PPP2R5C: variants seen among roughly 807,000 people sequenced by gnomAD.
PPP2R5C encodes protein phosphatase 2 regulatory subunit B'gamma.
Under a neutral mutation model 68.9 loss-of-function variants are expected in PPP2R5C, and 7 were observed. The ratio of observed to expected loss-of-function variants is 0.10; its 90% CI spans 0.06 to 0.19. The LOEUF (loss-of-function observed/expected upper bound fraction) is 0.19. PPP2R5C is among the 10% of genes least tolerant of loss of function. PPP2R5C has a pLI of 1.00. For missense variants in PPP2R5C, 348 were observed against 641.3 expected (o/e 0.54, Z 4.94); for synonymous variants, 210 against 222.2 (o/e 0.95, Z 0.49).
At chr14:101,814,049 A>G (rs145911408) in intron 1 of PPP2R5C, among the ~76,000 whole-genome samples, 2 of 152,348 alleles carry the variant, frequency 1.3e-5, no homozygotes, top group African/African-American at 4.8e-5. Context: ...CAATAGCTAT[A>G]CATAATGCAC....
chr14:101,831,339 C>G (rs1249449890), intron 1 of PPP2R5C, among the ~76,000 whole-genome samples: 3 of 152,116 alleles, frequency 2.0e-5, no homozygotes, highest in Non-Finnish European at 4.4e-5. Flanking sequence ...TTTGATAAGG[C>G]TTAAACTATT....
At chr14:101,873,709 C>A (rs1197235969) in intron 2 of PPP2R5C, among the ~76,000 whole-genome samples, 1 of 152,162 alleles carries the variant, frequency 6.6e-6, no homozygotes, top group Non-Finnish European at 1.5e-5. Flanking sequence ...CACTGTAGTT[C>A]TTCTCTGTGT....
rs184894158 is a variant in PPP2R5C, at chr14:101,856,985, C to T, written c.294+100C>T. ...ACACAGTGCTACCCAGGAGAAGAATCCTCCTGTTCCAGAATTTGTAGTTGT... is the reference window on the plus strand; with the variant it reads ...ACACAGTGCTACCCAGGAGAAGAATTCTCCTGTTCCAGAATTTGTAGTTGT... On this transcript the variant is annotated intron_variant, in intron 2 of 13. Transcript: ENST00000334743. The T allele has an allele frequency of 6.4e-5, 71 of 1,114,190 alleles. 1 individual carries two copies. The East Asian group carries it at 9.0e-4, about 14-fold the overall frequency. 69.0% of individuals were successfully genotyped at this position (1,114,190 alleles called of 1,614,324 possible).
intron 1 of PPP2R5C, chr14:101,831,712 A>G: frequency 1.4e-6 from 1 of 696,740 alleles, no homozygotes. Flanking sequence ...TTGCAAATGC[A>G]CAAGATTCGA....
chr14:101,804,724 G>GT (rs2039007649), intron 3 of PPP2R5C, among the ~76,000 whole-genome samples: 1 of 152,082 alleles, frequency 6.6e-6, no homozygotes, highest in Non-Finnish European at 1.5e-5. Flanking sequence ...ACTGGGAAGG[G>GT]TAGTAGTGGG....
At chr14:101,852,006 C>T (rs61995288) in intron 1 of PPP2R5C, among the ~76,000 whole-genome samples, 11,194 of 152,114 alleles carry the variant, frequency 0.074, 619 homozygotes, top group African/African-American at 0.16. Flanking sequence ...TGGTATTCGC[C>T]GTTTAGGACT....
intron 2 of PPP2R5C, among the ~76,000 whole-genome samples, chr14:101,776,990 C>G (rs1424361767): frequency 2.0e-5 from 3 of 150,930 alleles, no homozygotes; most frequent in African/African-American, 4.9e-5. Flanking sequence ...AAGCAATTCT[C>G]CTGCCTCAGC....
chr14:101,877,711 C>T lies in PPP2R5C; in HGVS notation c.295-4450C>T, dbSNP rs538660496. Among the ~76,000 whole-genome samples, 5 of 152,330 alleles carry T rather than the reference C, an allele frequency of 3.3e-5. No individual in the cohort carries two copies. Among genetic ancestry groups the T allele is most frequent in the Non-Finnish European group, 4.4e-5 (3 of 68,034 alleles). On this transcript the variant is annotated intron_variant, in intron 2 of 13. Coordinates refer to ENST00000334743, the Ensembl canonical transcript of PPP2R5C. The surrounding 1 kb of genome is among the most constrained non-coding windows in gnomAD (Gnocchi z 4.2). ...TTTGAGGTGATAGACCGTTGGCCCT[C>T]TGTTCCTTCCCCCCGCCCCAGTATT...
In PPP2R5C at chr14:101,856,816, A is replaced by G. The variant is rs1044877742; in HGVS notation, c.225A>G (p.Glu75=). ...AAGTAAAACGAGCTGCTTTAAGTGA[A>G]ATGGTAGAATATATCACCCATAATC... The change falls in exon 2 of 14, where the codon GAA becomes GAG. Residue 75 remains glutamate, a synonymous_variant. Coordinates refer to ENST00000334743, the Ensembl canonical transcript of PPP2R5C. The G allele has an allele frequency of 1.9e-6, 3 of 1,614,166 alleles. No individual in the cohort carries two copies. In the East Asian group the frequency reaches 6.7e-5, roughly 36 times the overall value.
rs910997909 is a variant in PPP2R5C at position 101,781,517 on chromosome 14, C to A, written c.94-4501C>A. Among the ~76,000 whole-genome samples the A allele has an allele frequency of 4.0e-4, 58 of 144,932 alleles. No homozygotes were observed. The highest frequency in any genetic ancestry group is 7.6e-4 in the Non-Finnish European group (50 of 65,886). On this transcript the variant is annotated intron_variant, in intron 2 of 14. Transcript: ENST00000328724. This position sits in a 1 kb window ranked among gnomAD's most constrained non-coding sequence, Gnocchi z 6.4. ...CCCAGCCTCCCCGCCCCTGCCCTTG[C>A]CAGCCTGCGCCTTCCTGGGCGCCTG...
chr14:101,816,934 A>G (rs904410197), intron 1 of PPP2R5C, among the ~76,000 whole-genome samples: 1 of 141,936 alleles, frequency 7.0e-6, no homozygotes, highest in African/African-American at 2.6e-5. Flanking sequence ...TATAATATAT[A>G]TAATATAAAA....
At position 101,879,294 on chromosome 14, in the gene PPP2R5C, CTT is replaced by C. The variant is rs1338279833; in HGVS notation, c.295-2866_295-2865del. On this transcript the variant is annotated intron_variant, in intron 2 of 13. Transcript: ENST00000334743. This position sits in a 1 kb window ranked among gnomAD's most constrained non-coding sequence, Gnocchi z 4.2. ...CTTCCTCTGTGGCATGTCTGTGACT[CTT>C]GGGCAGCAGGCCTCTTCCAGAGGGA... is the stretch of plus-strand genomic sequence containing the variant. 2 of 152,560 alleles carry C rather than the reference CTT, an allele frequency of 1.3e-5. No individual in the cohort carries two copies. The highest frequency in any genetic ancestry group is 4.8e-5 in the African/African-American group (2 of 41,470). The allele number at this position is 152,560 out of a possible 1,614,324, so 9.5% of individuals were successfully genotyped here.
chr14:101,761,401 C>T (rs544183862), upstream of PPP2R5C, among the ~76,000 whole-genome samples: 1 of 151,790 alleles, frequency 6.6e-6, no homozygotes, highest in Non-Finnish European at 1.5e-5. Context: ...CTCTGCTCAG[C>T]GGTCAGCCCC....
At chr14:101,807,259 A>G (rs1176544988), upstream of PPP2R5C, among the ~76,000 whole-genome samples, 5 of 152,254 alleles carry the variant, frequency 3.3e-5, no homozygotes, top group African/African-American at 4.8e-5. Context: ...TTCCCCTTCC[A>G]CTGATTTGAG....
At chr14:101,774,787 C>T (rs2037332709) in intron 2 of PPP2R5C, among the ~76,000 whole-genome samples, 1 of 152,192 alleles carries the variant, frequency 6.6e-6, no homozygotes, top group African/African-American at 2.4e-5. Context: ...TCCTTTATTT[C>T]TTCCTCTCAT....
At chr14:101,856,268 C>T (rs2042420008) in intron 1 of PPP2R5C, among the ~76,000 whole-genome samples, 1 of 152,204 alleles carries the variant, frequency 6.6e-6, no homozygotes, top group Non-Finnish European at 1.5e-5. Context: ...CCTGCCTGAA[C>T]CTAAATTCTG....
intron 1 of PPP2R5C, chr14:101,836,108 C>T: frequency 3.1e-6 from 2 of 654,866 alleles, no homozygotes; most frequent in East Asian, 2.7e-5. Context: ...CCTCAATCCA[C>T]AAGCAACAAT....
intron 8 of PPP2R5C, among the ~76,000 whole-genome samples, chr14:101,897,190 A>G (rs1458544424): frequency 1.3e-5 from 2 of 152,186 alleles, no homozygotes; most frequent in Non-Finnish European, 1.5e-5. Context: ...ACACTTCAGC[A>G]TCAAGCATAG....
intron 3 of PPP2R5C, among the ~76,000 whole-genome samples, chr14:101,799,604 A>C (rs1365581039): frequency 6.6e-6 from 1 of 152,224 alleles, no homozygotes; most frequent in African/African-American, 2.4e-5. Context: ...GCATTTACTT[A>C]GAGTTTGTTT....
Sources: allele counts gnomAD v4.1 joint callset (sites outside exome capture counted in the v4.1 genomes callset), GRCh38; gene constraint gnomAD v4.1.1; non-coding constraint Gnocchi (gnomAD v3.1); transcripts MANE v1.5; gene names NCBI Gene and HGNC (gene_info 2026-07-23, HGNC 2026-07-21).